The following STK32B variants were observed in gnomAD, a reference collection of about 807,000 sequenced individuals.
STK32B encodes the protein serine/threonine kinase 32B.
STK32B carries 43 observed loss-of-function variants against 52.6 expected under a neutral mutation model. The observed-to-expected ratio is 0.82, with a 90% CI of 0.64 to 1.05. The LOEUF is 1.05. Among genes scored for constraint, STK32B ranks in the 50% least tolerant of loss-of-function variants. STK32B has a pLI of 0.00. For missense variants in STK32B, 621 were observed against 534.6 expected, an observed-to-expected ratio of 1.16 and a Z score of -1.59; for synonymous variants, 238 against 204.3, an observed-to-expected ratio of 1.17 and a Z score of -1.41.
chr4:5,221,223 G>C (rs2108796479), intron 3 of STK32B, among the ~76,000 whole-genome samples: 1 of 152,242 alleles, frequency 6.6e-6, no homozygotes, highest in East Asian at 1.9e-4. Context: ...CTTCTGGAAG[G>C]CGGTAATAGG....
intron 11 of STK32B, among the ~76,000 whole-genome samples, chr4:5,488,212 C>T (rs1361452616): frequency 3.9e-5 from 6 of 152,132 alleles, no homozygotes; most frequent in Non-Finnish European, 8.8e-5. Flanking sequence ...GCTGGAGAAT[C>T]ACTTGAACCC....
chr4:5,168,578 T>G, intron 3 of STK32B, 128 bp downstream of exon 3: 2 of 1,146,718 alleles, frequency 1.7e-6, no homozygotes, highest in Non-Finnish European at 2.4e-6. Context: ...GTTCAGTTAT[T>G]CTTAAGTATT....
At chr4:5,316,970 TATATATA>T (rs1233688096) in intron 3 of STK32B, among the ~76,000 whole-genome samples, 3 of 19,204 alleles carry the variant, frequency 1.6e-4, no homozygotes, top group Non-Finnish European at 2.1e-4. Context: ...ATATATATAA[TATATATA>T]ATATATAATA....
At chr4:5,336,400 G>A (rs1477600021) in intron 4 of STK32B, among the ~76,000 whole-genome samples, 1 of 151,806 alleles carries the variant, frequency 6.6e-6, no homozygotes, top group Non-Finnish European at 1.5e-5. Context: ...AGACATCCAG[G>A]GAAATCTTCT....
At chr4:5,259,038 G>T (rs1039716986) in intron 3 of STK32B, among the ~76,000 whole-genome samples, 2 of 152,058 alleles carry the variant, frequency 1.3e-5, no homozygotes, top group Admixed American at 6.6e-5. Context: ...AGAATGCTCT[G>T]CCCCAGAGTT....
chr4:5,427,683 G>A (rs1713215495), intron 6 of STK32B, among the ~76,000 whole-genome samples: 1 of 152,032 alleles, frequency 6.6e-6, no homozygotes, highest in African/African-American at 2.4e-5. Flanking sequence ...AAATGTTAGG[G>A]CATACAGTTA....
chr4:5,194,245 G>A (rs1175923174), intron 3 of STK32B, among the ~76,000 whole-genome samples: 1 of 152,190 alleles, frequency 6.6e-6, no homozygotes, highest in Non-Finnish European at 1.5e-5. Flanking sequence ...TCTCTGCTGT[G>A]TTCCCCTAAA....
chr4:5,090,964 A>T (rs2108783552), intron 1 of STK32B, among the ~76,000 whole-genome samples: 1 of 152,378 alleles, frequency 6.6e-6, no homozygotes, highest in Admixed American at 6.5e-5. Flanking sequence ...ACAAGTAAAA[A>T]GATTTTGATA....
intron 3 of STK32B, among the ~76,000 whole-genome samples, chr4:5,289,438 AATTT>A (rs1728747566): frequency 6.6e-6 from 1 of 152,086 alleles, no homozygotes; most frequent in African/African-American, 2.4e-5. Context: ...GGCTACACTA[AATTT>A]ATTTTATTCT....
At chr4:5,127,036 A>G (rs1263468046) in intron 1 of STK32B, 2 of 477,910 alleles carry the variant, frequency 4.2e-6, no homozygotes, top group African/African-American at 1.9e-5. Flanking sequence ...CAGAATGCTC[A>G]ATGCTGAGAT....
intron 7 of STK32B, 119 bp downstream of exon 7, chr4:5,446,895 GCC>G: frequency 1.1e-6 from 1 of 912,666 alleles, no homozygotes; most frequent in Non-Finnish European, 1.7e-6. Flanking sequence ...GGGAGTCACT[GCC>G]CCCCAGGTTT....
intron 3 of STK32B, among the ~76,000 whole-genome samples, chr4:5,255,644 C>G (rs1235029437): frequency 6.6e-6 from 1 of 152,048 alleles, no homozygotes; most frequent in Non-Finnish European, 1.5e-5. Context: ...TGCGTAACCT[C>G]TTTTTAACTT....
chr4:5,220,416 C>A (rs1424234907), intron 3 of STK32B, among the ~76,000 whole-genome samples: 1 of 152,134 alleles, frequency 6.6e-6, no homozygotes, highest in East Asian at 1.9e-4. Context: ...AAAGGGGACA[C>A]CTAGGCCAGC....
chr4:5,126,832 C>A (rs796792575), intron 1 of STK32B, among the ~76,000 whole-genome samples: 12 of 152,148 alleles, frequency 7.9e-5, no homozygotes, highest in African/African-American at 2.7e-4. Flanking sequence ...CTACTGATAA[C>A]CCAGTTATCA....
chr4:5,195,310 T>C (rs1721553894), intron 3 of STK32B, among the ~76,000 whole-genome samples: 1 of 152,152 alleles, frequency 6.6e-6, no homozygotes, highest in Non-Finnish European at 1.5e-5. Context: ...ATTTATAAAA[T>C]GTATCAGATT....
chr4:5,026,618 A>G, the STK32B span, among the ~76,000 whole-genome samples: 2 of 152,186 alleles, frequency 1.3e-5, no homozygotes, highest in Admixed American at 1.3e-4. Context: ...ATTACAATTC[A>G]AGGGGAGATT....
At chr4:5,090,154 A>G (rs151177907) in intron 1 of STK32B, among the ~76,000 whole-genome samples, 1,586 of 145,212 alleles carry the variant, frequency 0.011, 38 homozygotes, top group African/African-American at 0.04. Context: ...CTTCCATTCT[A>G]TAGGTTGCCT....
chr4:5,272,945 T>A (rs1007299226), intron 3 of STK32B, among the ~76,000 whole-genome samples: 28 of 147,368 alleles, frequency 1.9e-4, no homozygotes, highest in Non-Finnish European at 3.4e-4. Flanking sequence ...GGACTTCATG[T>A]CCAACACACC....
chr4:5,317,396 A>G (rs1431634069), intron 3 of STK32B, among the ~76,000 whole-genome samples: 2 of 78,836 alleles, frequency 2.5e-5, no homozygotes, highest in Non-Finnish European at 4.1e-5. Context: ...TATATATAAT[A>G]TATATAATGT....
Sources: gnomAD v4.1 joint callset for allele counts (sites outside exome capture counted in the v4.1 genomes callset) on GRCh38, gnomAD v4.1.1 for gene constraint, MANE v1.5 for transcripts, NCBI Gene and HGNC (gene_info 2026-07-23, HGNC 2026-07-21) for gene names.